The following SAMD5 variants were observed in gnomAD, a reference collection of about 807,000 sequenced individuals.
SAMD5 encodes the protein sterile alpha motif domain containing 5.
A neutral mutation model predicts 11.3 loss-of-function variants in SAMD5; 13 were observed. That is an observed-to-expected ratio of 1.15 (90% CI 0.75 to 1.83). The LOEUF (loss-of-function observed/expected upper bound fraction) is 1.83, where lower values mean the gene tolerates loss of function less well. SAMD5 is among the 40% of genes most tolerant of loss of function. The probability of loss-of-function intolerance (pLI) is 0.00; values close to 1 mark genes in which losing one functional copy is unlikely to be tolerated. For missense variants in SAMD5, 255 were observed against 239.1 expected, an observed-to-expected ratio of 1.07 and a Z score of -0.44; for synonymous variants, 129 against 111.3, an observed-to-expected ratio of 1.16 and a Z score of -1.00.
chr6:147,520,435 G>A (rs1483420608), intron 1 of SAMD5, among the ~76,000 whole-genome samples: 1 of 152,130 alleles, frequency 6.6e-6, no homozygotes, highest in Non-Finnish European at 1.5e-5. Context: ...GATTTTAAGT[G>A]CCCTTACTGA....
the SAMD5 span, among the ~76,000 whole-genome samples, chr6:147,840,255 ATAT>A: frequency 6.6e-6 from 1 of 152,348 alleles, no homozygotes; most frequent in African/African-American, 2.4e-5. Flanking sequence ...TTCCAAATGT[ATAT>A]TCACTGATTC....
intron 1 of SAMD5, among the ~76,000 whole-genome samples, chr6:147,561,690 T>C (rs1246398335): frequency 6.6e-6 from 1 of 152,102 alleles, no homozygotes; most frequent in Non-Finnish European, 1.5e-5. Context: ...GTGTGATACG[T>C]ATGGGGACAG....
At chr6:147,880,880 G>C in the SAMD5 span, among the ~76,000 whole-genome samples, 1 of 152,144 alleles carries the variant, frequency 6.6e-6, no homozygotes, top group Non-Finnish European at 1.5e-5. Context: ...AAAAACATCT[G>C]ATTTTAGAAT....
chr6:147,544,709 A>T (rs1243716652), intron 1 of SAMD5, among the ~76,000 whole-genome samples: 1 of 152,118 alleles, frequency 6.6e-6, no homozygotes, highest in African/African-American at 2.4e-5. Context: ...TGTTGATGGT[A>T]TATTCTATAT....
the SAMD5 span, among the ~76,000 whole-genome samples, chr6:147,933,944 A>T: frequency 6.6e-6 from 1 of 152,236 alleles, no homozygotes; most frequent in African/African-American, 2.4e-5. Context: ...TTATGCTGTC[A>T]CGTAACTTAA....
At chr6:147,736,332 G>C (rs1488424528) in intron 1 of SAMD5, among the ~76,000 whole-genome samples, 1 of 152,138 alleles carries the variant, frequency 6.6e-6, no homozygotes. Flanking sequence ...AAGTTCTCAA[G>C]AAATCATAGC....
In SAMD5 at chr6:147,566,069, T is replaced by G. The variant is rs1210258447; in HGVS notation, c.*1613T>G. 1.0e-6 allele frequency: 1 copy of G among 983,872 alleles called. No homozygotes were observed. The highest frequency in any genetic ancestry group is 1.1e-4 in the East Asian group (1 of 8,802). 60.9% of individuals were successfully genotyped at this position (983,872 alleles called of 1,614,324 possible). On this transcript the variant is annotated 3_prime_UTR_variant, in exon 2 of 2. Coordinates refer to ENST00000367474, the MANE Select transcript of SAMD5 (RefSeq NM_001030060.3). ...ATAGATAGGCCATTAAGAAGGATAT[T>G]AGGTTTCTAAGGACAATTTTAACAC...
At chr6:147,932,588 T>TTG in the SAMD5 span, among the ~76,000 whole-genome samples, 3,444 of 131,060 alleles carry the variant, frequency 0.026, 39 homozygotes, top group Non-Finnish European at 0.036. Context: ...TCTTACAGAA[T>TTG]TGTGTGTGTG....
chr6:147,821,206 A>G, the SAMD5 span, among the ~76,000 whole-genome samples: 2 of 152,242 alleles, frequency 1.3e-5, no homozygotes, highest in African/African-American at 4.8e-5. Context: ...TGATCTAAAA[A>G]CATTTATATT....
the SAMD5 span, among the ~76,000 whole-genome samples, chr6:147,807,677 G>A: frequency 8.9e-4 from 135 of 152,082 alleles, 2 homozygotes; most frequent in Non-Finnish European, 2.6e-4. Flanking sequence ...ATTGTCCATC[G>A]TCCTTATGTG....
the SAMD5 span, among the ~76,000 whole-genome samples, chr6:147,860,191 G>A: frequency 1.3e-5 from 2 of 152,086 alleles, no homozygotes; most frequent in Non-Finnish European, 2.9e-5. Context: ...CTTTGGCTTA[G>A]AGATGCATCA....
the SAMD5 span, among the ~76,000 whole-genome samples, chr6:147,854,331 C>G: frequency 6.6e-6 from 1 of 152,236 alleles, no homozygotes; most frequent in South Asian, 2.1e-4. Context: ...GCCTTCAGAG[C>G]CATGCTGACA....
chr6:147,545,766 T>G (rs1205450178), intron 1 of SAMD5, among the ~76,000 whole-genome samples: 7 of 152,190 alleles, frequency 4.6e-5, no homozygotes, highest in Non-Finnish European at 1.0e-4. Flanking sequence ...CACACACATA[T>G]ATACATACAT....
chr6:147,858,752 G>GT, the SAMD5 span, among the ~76,000 whole-genome samples: 1 of 152,316 alleles, frequency 6.6e-6, no homozygotes, highest in East Asian at 1.9e-4. Context: ...GTCAGAAGCT[G>GT]TGGCATGGTG....
the SAMD5 span, among the ~76,000 whole-genome samples, chr6:147,897,671 G>T: frequency 1.1e-4 from 16 of 152,186 alleles, no homozygotes; most frequent in African/African-American, 3.9e-4. Context: ...CAGACCAGGC[G>T]CAGGGGCTCA....
intron 1 of SAMD5, among the ~76,000 whole-genome samples, chr6:147,527,971 G>T (rs1227918114): frequency 6.6e-6 from 1 of 152,026 alleles, no homozygotes; most frequent in Non-Finnish European, 1.5e-5. Flanking sequence ...GCAGGAACAG[G>T]AGCAAGAGAG....
the SAMD5 span, among the ~76,000 whole-genome samples, chr6:147,934,714 A>G: frequency 6.6e-6 from 1 of 152,038 alleles, no homozygotes; most frequent in African/African-American, 2.4e-5. Context: ...TGCCTATACT[A>G]AGGTCCATAG....
At chr6:147,894,598 C>A in the SAMD5 span, among the ~76,000 whole-genome samples, 1 of 152,244 alleles carries the variant, frequency 6.6e-6, no homozygotes, top group South Asian at 2.1e-4. Flanking sequence ...TATTTATAAC[C>A]CCTCTTAAGC....
chr6:147,690,227 T>C (rs1216158915), intron 1 of SAMD5, among the ~76,000 whole-genome samples: 1 of 152,276 alleles, frequency 6.6e-6, no homozygotes, highest in Non-Finnish European at 1.5e-5. Context: ...AGTAACTATA[T>C]TATACTCTGT....
Sources: allele counts gnomAD v4.1 joint callset (sites outside exome capture counted in the v4.1 genomes callset), GRCh38; gene constraint gnomAD v4.1.1; transcripts MANE v1.5; gene names NCBI Gene and HGNC (gene_info 2026-07-23, HGNC 2026-07-21).